The following MED14 variants were observed in gnomAD, a reference collection of about 807,000 sequenced individuals.
MED14 encodes mediator complex subunit 14.
A neutral mutation model predicts 109.0 loss-of-function variants in MED14; 8 were observed. The observed-to-expected ratio is 0.07, with a 90% CI of 0.04 to 0.13. The LOEUF (loss-of-function observed/expected upper bound fraction) is 0.13. MED14 is among the 10% of genes least tolerant of loss of function. The probability of loss-of-function intolerance (pLI) is 1.00; values close to 1 mark genes in which losing one functional copy is unlikely to be tolerated. For synonymous variants in MED14, 399 were observed against 408.7 expected (o/e 0.98, Z 0.29); for missense variants, 711 against 1,142.4 (o/e 0.62, Z 5.44).
chrX:40,651,621 C>G lies in MED14; in HGVS notation c.*185G>C. On this transcript the variant is annotated 3_prime_UTR_variant, in exon 31 of 31. Transcript: ENST00000324817. ...CCCATTTAAACACACTATACAAGTT[C>G]ATTATACAAAAGATGGATGATCATT... The G allele has an allele frequency of 9.7e-7, 1 of 1,033,075 alleles. No individual in the cohort carries two copies. The highest frequency in any genetic ancestry group is 1.2e-6 in the Non-Finnish European group (1 of 808,606). 85.1% of individuals were successfully genotyped at this position (1,033,075 alleles called of 1,213,427 possible).
chrX:40,726,124 T>C (rs983039760), intron 3 of MED14, among the ~76,000 whole-genome samples: 1 of 111,727 alleles, frequency 9.0e-6, no homozygotes, highest in Non-Finnish European at 1.9e-5. Flanking sequence ...TTTAGCATCT[T>C]TGGTACACTG....
chrX:40,685,972 G>T (rs1349577606), intron 16 of MED14, among the ~76,000 whole-genome samples: 1 of 111,353 alleles, frequency 9.0e-6, no homozygotes, highest in African/African-American at 3.3e-5. Flanking sequence ...AAGAATAAAT[G>T]CATGAGTCCA....
At position 40,692,735 on chromosome X, in the gene MED14, T is replaced by C. The variant is rs745790361; in HGVS notation, c.1818A>G (p.Lys606=). ...QDLVFRTKTG[K]QTRTNAKRKL... ...TGCGCTTGGCATTGGTTCTGGTCTG[T>C]TTCCCGGTTTTTGTACGAAAAACCA... The change falls in exon 14 of 31, where the codon AAA becomes AAG. Residue 606 remains lysine, a synonymous_variant. Coordinates refer to ENST00000324817, the MANE Select transcript of MED14 (RefSeq NM_004229.4). 8.3e-7 allele frequency: 1 copy of C among 1,209,283 alleles called. No homozygotes were observed. The highest frequency in any genetic ancestry group is 3.0e-5 in the East Asian group (1 of 33,765).
chrX:40,663,345 T>A (rs951199338), intron 25 of MED14, among the ~76,000 whole-genome samples, 185 bp from the exon 26 acceptor site: 2 of 111,848 alleles, frequency 1.8e-5, no homozygotes, highest in African/African-American at 6.5e-5. Flanking sequence ...TTCTCCTTCT[T>A]ATATCCAGGC....
At position 40,714,593 on chromosome X, in the gene MED14, A is replaced by G; in HGVS notation, c.466T>C (p.Tyr156His). The change falls in exon 4 of 31, where the codon TAT becomes CAT. Residue 156 changes from tyrosine to histidine, a missense_variant. By Grantham distance (83) the Tyr-to-His change is moderately conservative. Around this residue, in one of 8 missense-constraint regions of MED14, gnomAD observed 388 missense variants for 517.3 expected, o/e 0.75. Coordinates refer to ENST00000324817, the MANE Select transcript of MED14 (RefSeq NM_004229.4). Reference sequence around the variant, plus strand: ...CCAGTAGTTAGTACATCAATGGCATATGGGATGGCAAAACTAGGCAGGCGT... The same window carrying G: ...CCAGTAGTTAGTACATCAATGGCATGTGGGATGGCAAAACTAGGCAGGCGT... ...HARLPSFAIP[Y>H]AIDVLTTGSY... The G allele has an allele frequency of 8.3e-7, 1 of 1,211,790 alleles. No homozygotes were observed. The highest frequency in any genetic ancestry group is 1.1e-6 in the Non-Finnish European group (1 of 895,498).
chrX:40,686,547 G>A (rs1930302393), intron 16 of MED14, among the ~76,000 whole-genome samples: 1 of 111,654 alleles, frequency 9.0e-6, no homozygotes, highest in Non-Finnish European at 1.9e-5. Context: ...TGGAAATGTT[G>A]TTAAGATAGC....
intron 13 of MED14, among the ~76,000 whole-genome samples, chrX:40,695,907 T>C (rs1439275889): frequency 9.0e-6 from 1 of 111,574 alleles, no homozygotes; most frequent in Non-Finnish European, 1.9e-5. Context: ...TTCACTCCCA[T>C]TACTTTCAAC....
At chrX:40,729,898 T>A (rs971991689) in intron 1 of MED14, among the ~76,000 whole-genome samples, 10 of 112,629 alleles carry the variant, frequency 8.9e-5, no homozygotes, top group African/African-American at 2.3e-4. Flanking sequence ...ACAGGATTTT[T>A]AAGTTTCTTT....
intron 16 of MED14, 109 bp downstream of exon 16, chrX:40,688,345 A>G: frequency 1.9e-6 from 1 of 530,302 alleles, no homozygotes; most frequent in Non-Finnish European, 3.2e-6. Context: ...GAAATCCACA[A>G]CACCCACAGG....
intron 23 of MED14, 135 bp from the exon 24 acceptor site, chrX:40,666,986 A>G (rs1929516259): frequency 4.0e-6 from 2 of 499,190 alleles, no homozygotes; most frequent in Non-Finnish European, 6.2e-6. Context: ...ACAGAGAAAA[A>G]CTGGCACGAT....
intron 1 of MED14, among the ~76,000 whole-genome samples, chrX:40,734,676 T>C (rs1439127631): frequency 8.9e-6 from 1 of 112,424 alleles, no homozygotes; most frequent in Admixed American, 9.4e-5. Context: ...AATAACAGAC[T>C]ACTTACAAAA....
intron 1 of MED14, among the ~76,000 whole-genome samples, chrX:40,732,832 A>T (rs1212055010): frequency 9.0e-6 from 1 of 111,036 alleles, no homozygotes; most frequent in African/African-American, 3.3e-5. Context: ...CAGGATAAGC[A>T]AAGAGGAGAG....
At chrX:40,675,818 T>C (rs370978528) in intron 21 of MED14, among the ~76,000 whole-genome samples, 2 of 112,395 alleles carry the variant, frequency 1.8e-5, no homozygotes. Context: ...TTTTATATTA[T>C]ATAATTTAAT....
intron 3 of MED14, among the ~76,000 whole-genome samples, chrX:40,723,345 C>CT (rs1275920100): frequency 1.8e-5 from 2 of 111,697 alleles, no homozygotes; most frequent in Non-Finnish European, 3.8e-5. Flanking sequence ...ACAGTATTTG[C>CT]AAGCCTCATA....
At chrX:40,735,866 G>A (rs1932254199), upstream of MED14, 1 of 282,441 alleles carries the variant, frequency 3.5e-6, no homozygotes, top group South Asian at 3.2e-5. Flanking sequence ...ACCTGTGAGC[G>A]CGCGGGAGAG....
chrX:40,679,046 T>C (rs192496439), intron 21 of MED14, among the ~76,000 whole-genome samples: 1 of 111,655 alleles, frequency 9.0e-6, no homozygotes, highest in Non-Finnish European at 1.9e-5. Context: ...TCAAGCCTTT[T>C]AGATTTATTT....
Position 40,721,920 on chromosome X carries a change from G to A in MED14, c.348+4826C>T, listed in dbSNP as rs190232220. 2.5e-3 allele frequency among the ~76,000 whole-genome samples: 277 copies of A among 112,362 alleles called. 1 individual carries two copies. The highest frequency in any genetic ancestry group is 8.8e-3 in the African/African-American group (274 of 30,996). On this transcript the variant is annotated intron_variant, in intron 3 of 30. Coordinates refer to ENST00000324817, the MANE Select transcript of MED14 (RefSeq NM_004229.4). ...AAGACCATCAAGGCAGTACCTCTAT[G>A]AGTCGGCAAAAACCACAGCATTATT... is the stretch of plus-strand genomic sequence containing the variant.
At chrX:40,672,029 T>C (rs1224660745) in intron 22 of MED14, 57 bp from the exon 23 acceptor site, 11 of 685,915 alleles carry the variant, frequency 1.6e-5, no homozygotes, top group Non-Finnish European at 2.4e-5. Context: ...AGCATAAGAG[T>C]GTGGCTTTCA....
At chrX:40,667,258 G>GA (rs989616828) in intron 23 of MED14, among the ~76,000 whole-genome samples, 2 of 111,619 alleles carry the variant, frequency 1.8e-5, no homozygotes, top group African/African-American at 6.5e-5. Flanking sequence ...AAGTGCTATG[G>GA]AAAAAAACAC....
Sources: allele counts gnomAD v4.1 joint callset (sites outside exome capture counted in the v4.1 genomes callset), GRCh38; gene constraint gnomAD v4.1.1; regional missense constraint gnomAD v4.1.1; transcripts MANE v1.5; gene names NCBI Gene and HGNC (gene_info 2026-07-23, HGNC 2026-07-21).